Variants in DENND1A observed in about 807,000 individuals in gnomAD.
The protein encoded by DENND1A is DENN domain-containing protein 1A.
DENND1A carries 51 observed loss-of-function variants against 113.7 expected under a neutral mutation model. That is an observed-to-expected ratio of 0.45 (90% CI 0.36 to 0.57). DENND1A has a LOEUF of 0.57. Ranked by LOEUF, DENND1A falls within the 20% of genes least tolerant of loss-of-function variation. DENND1A has a pLI of 0.00. For synonymous variants in DENND1A, 565 were observed against 570.8 expected (o/e 0.99, Z 0.14); for missense variants, 1,258 against 1,395.9 (o/e 0.90, Z 1.57).
chr9:123,638,240 T>C (rs1265697713), intron 9 of DENND1A, among the ~76,000 whole-genome samples: 2 of 152,158 alleles, frequency 1.3e-5, no homozygotes, highest in African/African-American at 2.4e-5. Flanking sequence ...CAGAAAACCA[T>C]GGTGTGGTAA....
chr9:123,559,948 G>A (rs1054796212), intron 12 of DENND1A, among the ~76,000 whole-genome samples: 8 of 152,200 alleles, frequency 5.3e-5, no homozygotes, highest in Admixed American at 2.0e-4. Context: ...GTAGTCTTTT[G>A]CCATCAGATT....
At chr9:123,785,410 A>T (rs2131916960) in intron 3 of DENND1A, among the ~76,000 whole-genome samples, 1 of 152,300 alleles carries the variant, frequency 6.6e-6, no homozygotes, top group East Asian at 1.9e-4. Context: ...CACTTTAAAA[A>T]GCACCTTGAC....
chr9:123,670,726 A>G (rs1049635981), intron 7 of DENND1A, among the ~76,000 whole-genome samples: 1 of 152,254 alleles, frequency 6.6e-6, no homozygotes, highest in African/African-American at 2.4e-5. Flanking sequence ...AATCATTCCA[A>G]TAGGGTGTAA....
chr9:123,619,668 C>T (rs2060840291), intron 10 of DENND1A, among the ~76,000 whole-genome samples: 1 of 152,124 alleles, frequency 6.6e-6, no homozygotes, highest in African/African-American at 2.4e-5. Flanking sequence ...AGCAATCTGC[C>T]CACCTCCCAA....
At chr9:123,593,701 A>C (rs925049105) in intron 11 of DENND1A, among the ~76,000 whole-genome samples, 1 of 152,122 alleles carries the variant, frequency 6.6e-6, no homozygotes, top group Non-Finnish European at 1.5e-5. Flanking sequence ...TAAACCAAAA[A>C]TTACATCTTA....
At chr9:123,648,943 T>G (rs1046009393) in intron 9 of DENND1A, among the ~76,000 whole-genome samples, 25 of 152,224 alleles carry the variant, frequency 1.6e-4, no homozygotes, top group Non-Finnish European at 1.5e-5. Context: ...GGGCTCTCTA[T>G]TCTGTTCCAT....
chr9:123,650,423 T>C (rs1275656041), intron 9 of DENND1A, among the ~76,000 whole-genome samples: 1 of 152,202 alleles, frequency 6.6e-6, no homozygotes, highest in African/African-American at 2.4e-5. Flanking sequence ...ATTTTATCCA[T>C]AGGCCCTTCA....
chr9:123,551,552 G>A (rs559345737), intron 13 of DENND1A, among the ~76,000 whole-genome samples: 1 of 152,290 alleles, frequency 6.6e-6, no homozygotes, highest in Admixed American at 6.5e-5. Context: ...TGCAGCCTTC[G>A]CTCCATCCCC....
At chr9:123,712,481 T>A (rs1482065299) in intron 5 of DENND1A, among the ~76,000 whole-genome samples, 1 of 152,244 alleles carries the variant, frequency 6.6e-6, no homozygotes, top group Non-Finnish European at 1.5e-5. Flanking sequence ...ATAACAGTAG[T>A]ACCAACTTCA....
chr9:123,772,381 T>C (rs1293494831), intron 3 of DENND1A, among the ~76,000 whole-genome samples: 1 of 152,238 alleles, frequency 6.6e-6, no homozygotes, highest in Non-Finnish European at 1.5e-5. Flanking sequence ...ATTAACTTTA[T>C]TGGGACAACA....
chr9:123,800,185 C>T (rs1337871743), intron 2 of DENND1A, among the ~76,000 whole-genome samples: 1 of 152,208 alleles, frequency 6.6e-6, no homozygotes, highest in African/African-American at 2.4e-5. Flanking sequence ...ACATCAAATA[C>T]ACAAGGGACT....
intron 3 of DENND1A, among the ~76,000 whole-genome samples, chr9:123,786,871 T>A (rs894815232): frequency 6.6e-6 from 1 of 152,094 alleles, no homozygotes; most frequent in African/African-American, 2.4e-5. Flanking sequence ...GGATCTAGTT[T>A]GAAGAGAACC....
At chr9:123,407,682 C>T (rs967485214) in intron 20 of DENND1A, among the ~76,000 whole-genome samples, 14 of 152,130 alleles carry the variant, frequency 9.2e-5, no homozygotes, top group Non-Finnish European at 5.9e-5. Flanking sequence ...GGATCCCAGC[C>T]GCGTCCGGGG....
chr9:123,875,949 C>T (rs1847387997), intron 2 of DENND1A, among the ~76,000 whole-genome samples: 1 of 152,184 alleles, frequency 6.6e-6, no homozygotes, highest in Non-Finnish European at 1.5e-5. Context: ...AACTGGATAA[C>T]ATTATATTTC....
intron 20 of DENND1A, among the ~76,000 whole-genome samples, chr9:123,404,002 G>A (rs2043730421): frequency 6.6e-6 from 1 of 152,212 alleles, no homozygotes; most frequent in Admixed American, 6.5e-5. Flanking sequence ...GCATGAGAGA[G>A]TGCCACTACA....
chr9:123,688,269 T>G (rs1179578520), intron 5 of DENND1A, among the ~76,000 whole-genome samples: 3 of 152,024 alleles, frequency 2.0e-5, no homozygotes, highest in Admixed American at 2.0e-4. Flanking sequence ...AGTACTTTTC[T>G]GGAAAAAAAT....
intron 13 of DENND1A, among the ~76,000 whole-genome samples, chr9:123,474,780 C>T (rs1485670141): frequency 6.6e-6 from 1 of 152,080 alleles, no homozygotes; most frequent in Non-Finnish European, 1.5e-5. Flanking sequence ...GTAACTGGGG[C>T]AATGTATGTA....
intron 21 of DENND1A, among the ~76,000 whole-genome samples, chr9:123,402,799 T>G (rs1258827589): frequency 6.6e-6 from 1 of 152,256 alleles, no homozygotes; most frequent in Non-Finnish European, 1.5e-5. Flanking sequence ...CTGCTTGTCT[T>G]TCTGCCCCCC....
At chr9:123,876,548 T>C (rs1847494966) in intron 2 of DENND1A, among the ~76,000 whole-genome samples, 1 of 152,130 alleles carries the variant, frequency 6.6e-6, no homozygotes, top group Non-Finnish European at 1.5e-5. Context: ...TAATTCTGTG[T>C]GTGTATACTC....
Sources: allele counts gnomAD v4.1 joint callset (sites outside exome capture counted in the v4.1 genomes callset), GRCh38; gene constraint gnomAD v4.1.1; transcripts MANE v1.5; gene names NCBI Gene and HGNC (gene_info 2026-07-23, HGNC 2026-07-21).